Variants in IRAK2 observed in about 807,000 individuals in gnomAD.
IRAK2 encodes the protein interleukin-1 receptor-associated kinase-like 2.
In IRAK2, 57 loss-of-function variants were observed where a neutral mutation model predicts 72.0. That is an observed-to-expected ratio of 0.79 (90% CI 0.64 to 0.99). IRAK2 has a LOEUF of 0.99. Among genes scored for constraint, IRAK2 ranks in the 50% least tolerant of loss-of-function variants. The pLI is 0.00. For missense variants in IRAK2, 790 were observed against 794.4 expected, an observed-to-expected ratio of 0.99 and a Z score of 0.07; for synonymous variants, 293 against 312.7, an observed-to-expected ratio of 0.94 and a Z score of 0.67.
intron 12 of IRAK2, among the ~76,000 whole-genome samples, chr3:10,241,158 C>G (rs943076632): frequency 2.0e-5 from 3 of 151,562 alleles, no homozygotes; most frequent in African/African-American, 7.3e-5. Flanking sequence ...ACCTGTAATC[C>G]TAGTACTTCG....
Position 10,216,922 on chromosome 3 carries a change from G to A in IRAK2, c.789-12G>A, listed in dbSNP as rs376073605. ...TCTGACTCCTCACACCTGCACTGACGCCCGATTCCAGATGCTGCCACCCCA... is the reference window on the plus strand; with the variant it reads ...TCTGACTCCTCACACCTGCACTGACACCCGATTCCAGATGCTGCCACCCCA... On this transcript the variant is annotated splice_polypyrimidine_tract_variant and intron_variant, in intron 6 of 12. Coordinates refer to ENST00000256458, the MANE Select transcript of IRAK2 (RefSeq NM_001570.4). The A allele has an allele frequency of 2.6e-4, 410 of 1,603,690 alleles. No homozygotes were observed. Among genetic ancestry groups the A allele is most frequent in the Non-Finnish European group, 3.2e-4 (380 of 1,170,590 alleles).
chr3:10,211,938 G>A (rs1697528214), intron 4 of IRAK2, among the ~76,000 whole-genome samples: 1 of 151,948 alleles, frequency 6.6e-6, no homozygotes, highest in East Asian at 1.9e-4. Context: ...AAATTAGCCG[G>A]ACAGGGTGGT....
rs56802078 is a variant in IRAK2, at chr3:10,192,023, A to AGTGTGTGTGTGTGTGT, written c.278-8323_278-8308dup. Among the ~76,000 whole-genome samples, 215 of 135,790 alleles carry AGTGTGTGTGTGTGTGT rather than the reference A, an allele frequency of 1.6e-3. 3 individuals are homozygous for AGTGTGTGTGTGTGTGT. The highest frequency in any genetic ancestry group is 5.5e-3 in the African/African-American group (203 of 36,782). The allele number at this position is 135,790 out of a possible 152,430, so 89.1% of individuals were successfully genotyped here. A position where few individuals can be genotyped will look rare whatever the true frequency, so the allele number is the denominator to read the frequency against. The stretch of plus-strand genomic sequence containing the variant: ...CATTTCAGGTCTAGCTTGAGTTGGG[A>AGTGTGTGTGTGTGTGT]GTGTGTGTGTGTGTGTGTGTGTGTG... On this transcript the variant is annotated intron_variant, in intron 2 of 12. Transcript: ENST00000256458.
chr3:10,199,737 C>A (rs1697325090), intron 2 of IRAK2, among the ~76,000 whole-genome samples: 1 of 152,054 alleles, frequency 6.6e-6, no homozygotes, highest in Admixed American at 6.6e-5. Flanking sequence ...GCCATTATCA[C>A]CTCCGTTTTA....
intron 2 of IRAK2, among the ~76,000 whole-genome samples, chr3:10,196,200 C>T (rs537395081): frequency 9.2e-5 from 14 of 152,196 alleles, no homozygotes; most frequent in Admixed American, 2.0e-4. Flanking sequence ...CTGCAGCCTC[C>T]GCCTCCCAGG....
chr3:10,172,794 C>T lies in IRAK2; in HGVS notation c.95-5044C>T, dbSNP rs555005249. 8.3e-4 allele frequency among the ~76,000 whole-genome samples: 119 copies of T among 142,628 alleles called. No homozygotes were observed. In the Middle Eastern group the frequency reaches 0.012, roughly 14 times the overall value. 93.6% of individuals were successfully genotyped at this position (142,628 alleles called of 152,430 possible). On this transcript the variant is annotated intron_variant, in intron 1 of 12. Coordinates refer to ENST00000256458, the MANE Select transcript of IRAK2 (RefSeq NM_001570.4). Reference sequence around the variant, plus strand: ...TGGAGGTTGTGGTGAGCCAAGATCGCGCCACTGCACTCCAGCCTGGGCAAC... The same window carrying T: ...TGGAGGTTGTGGTGAGCCAAGATCGTGCCACTGCACTCCAGCCTGGGCAAC...
chr3:10,176,898 G>A (rs2125142080), intron 1 of IRAK2, among the ~76,000 whole-genome samples: 1 of 150,362 alleles, frequency 6.7e-6, no homozygotes, highest in East Asian at 2.0e-4. Flanking sequence ...CGCCTCCCAG[G>A]TTCACGCCAT....
chr3:10,171,761 C>A (rs1696797282), intron 1 of IRAK2, among the ~76,000 whole-genome samples: 1 of 140,712 alleles, frequency 7.1e-6, no homozygotes, highest in Non-Finnish European at 1.5e-5. Context: ...TGAGCCACTG[C>A]ACCCAGCCTT....
rs576889325 is a variant in IRAK2 at position 10,225,721 on chromosome 3, C to T, written c.1210-650C>T. ...TTGGTGTTTTTTTTTTTTTTTGAGA[C>T]GGAGTCTTGCTCTGTCGCCCAGGCT... On this transcript the variant is annotated intron_variant, in intron 9 of 12. Coordinates refer to ENST00000256458, the MANE Select transcript of IRAK2 (RefSeq NM_001570.4). Among the ~76,000 whole-genome samples the T allele has an allele frequency of 2.7e-5, 4 of 147,000 alleles. 1 individual carries two copies. Among genetic ancestry groups the T allele is most frequent in the African/African-American group, 7.6e-5 (3 of 39,704 alleles).
chr3:10,197,838 T>C (rs1476666345), intron 2 of IRAK2, among the ~76,000 whole-genome samples: 70 of 122,118 alleles, frequency 5.7e-4, no homozygotes, highest in Middle Eastern at 5.6e-3. Flanking sequence ...GGCGACAGAG[T>C]GAGACTCCGT....
chr3:10,238,914 C>T lies in IRAK2; in HGVS notation c.1640C>T (p.Pro547Leu). The change falls in exon 12 of 13, where the codon CCC (proline) becomes CTC (leucine). Residue 547 changes from proline to leucine, a missense_variant. Transcript: ENST00000256458. ...GCCTCCTCCTCCATGAGTGTGGCAC[C>T]CTGGGCAGGGGCTGCCACCCCACTT... ...LDASSSMSVA[P>L]WAGAATPLLP... The T allele has an allele frequency of 6.2e-7, 1 of 1,614,116 alleles. No individual in the cohort carries two copies. The highest frequency in any genetic ancestry group is 8.5e-7 in the Non-Finnish European group (1 of 1,180,016).
chr3:10,215,414 A>G (rs1211461848), intron 6 of IRAK2, among the ~76,000 whole-genome samples: 2 of 133,770 alleles, frequency 1.5e-5, no homozygotes, highest in African/African-American at 2.8e-5. Flanking sequence ...AAAAAAAAAA[A>G]TTAATTAATT....
At chr3:10,236,342 GTTTTT>G (rs34423993) in intron 11 of IRAK2, among the ~76,000 whole-genome samples, 83 of 99,662 alleles carry the variant, frequency 8.3e-4, no homozygotes, top group African/African-American at 2.9e-3. Context: ...AGCCACTAAG[GTTTTT>G]TTTTTTTTTT....
chr3:10,242,840 C>T lies in IRAK2; in HGVS notation c.*612C>T, dbSNP rs1316247579. ...TTTCAACTTGTGTCTCAGTGCAGTT[C>T]TTGACTCACCTCTCTGGGCCTCAGG... On this transcript the variant is annotated 3_prime_UTR_variant, in exon 13 of 13. Coordinates refer to ENST00000256458, the MANE Select transcript of IRAK2 (RefSeq NM_001570.4). 2 of 152,194 alleles carry T rather than the reference C, an allele frequency of 1.3e-5. No individual in the cohort carries two copies. The highest frequency in any genetic ancestry group is 2.4e-5 in the African/African-American group (1 of 41,444). 9.4% of individuals were successfully genotyped at this position (152,194 alleles called of 1,614,324 possible). A position where few individuals can be genotyped will look rare whatever the true frequency, so the allele number is the denominator to read the frequency against.
At chr3:10,182,279 C>CT (rs71626967) in intron 2 of IRAK2, among the ~76,000 whole-genome samples, 2 of 117,634 alleles carry the variant, frequency 1.7e-5, no homozygotes, top group African/African-American at 6.3e-5. Flanking sequence ...ACATCATTTT[C>CT]TTTTTTTCTT....
chr3:10,196,894 A>T (rs2125150299), intron 2 of IRAK2, among the ~76,000 whole-genome samples: 1 of 152,276 alleles, frequency 6.6e-6, no homozygotes, highest in South Asian at 2.1e-4. Flanking sequence ...TCGTCTGCTC[A>T]CTGGAGCCAG....
intron 1 of IRAK2, among the ~76,000 whole-genome samples, chr3:10,171,235 G>A (rs111538385): frequency 1.3e-3 from 194 of 152,252 alleles, no homozygotes; most frequent in African/African-American, 4.2e-3. Context: ...TCCCCGTCTC[G>A]TTCACTCATG....
At chr3:10,242,007 T>A in intron 12 of IRAK2, 109 bp from the exon 13 acceptor site, 2 of 546,468 alleles carry the variant, frequency 3.7e-6, no homozygotes, top group Non-Finnish European at 6.5e-6. Flanking sequence ...AAAGAAATGC[T>A]CATTACACTC....
chr3:10,201,407 T>C (rs1697358663), intron 3 of IRAK2, among the ~76,000 whole-genome samples: 3 of 152,234 alleles, frequency 2.0e-5, no homozygotes, highest in African/African-American at 7.2e-5. Flanking sequence ...CTCGCAGCCA[T>C]GCAGTGGGGA....
Sources: gnomAD v4.1 joint callset for allele counts (sites outside exome capture counted in the v4.1 genomes callset) on GRCh38, gnomAD v4.1.1 for gene constraint, MANE v1.5 for transcripts, NCBI Gene and HGNC (gene_info 2026-07-23, HGNC 2026-07-21) for gene names.